GAS7: variants seen among roughly 807,000 people sequenced by gnomAD.
GAS7 encodes the protein growth arrest-specific protein 7.
Under a neutral mutation model 71.1 loss-of-function variants are expected in GAS7, and 28 were observed. The ratio of observed to expected loss-of-function variants is 0.39; its 90% CI spans 0.29 to 0.54. GAS7 has a LOEUF of 0.54. Ranked by LOEUF, GAS7 falls within the 20% of genes least tolerant of loss-of-function variation. The pLI is 0.62. For missense variants in GAS7, 436 were observed against 627.8 expected (o/e 0.69, Z 3.27); for synonymous variants, 258 against 245.8 (o/e 1.05, Z -0.46).
chr17:9,930,770 T>C (rs562672230), intron 9 of GAS7, among the ~76,000 whole-genome samples: 1 of 152,370 alleles, frequency 6.6e-6, no homozygotes, highest in Middle Eastern at 3.4e-3. Flanking sequence ...ATATTATTCA[T>C]GGCAGTCAAA....
At chr17:10,196,005 G>A (rs1289985374) in intron 1 of GAS7, among the ~76,000 whole-genome samples, 1 of 152,098 alleles carries the variant, frequency 6.6e-6, no homozygotes, top group South Asian at 2.1e-4. Context: ...GTCACACTTT[G>A]GGGTTAGCAG....
chr17:10,175,602 TAG>T lies in GAS7; in HGVS notation c.183+22604_183+22605del, dbSNP rs2074368817. Among the ~76,000 whole-genome samples the T allele has an allele frequency of 1.0e-4, 9 of 87,378 alleles. No individual in the cohort carries two copies. The South Asian group carries it at 3.5e-3, about 34-fold the overall frequency. The allele number at this position is 87,378 out of a possible 152,430, so 57.3% of individuals were successfully genotyped here. ...CCCTAATGACCGCATTTTATTTAGT[TAG>T]TTAGTTAGTTAGTTAGTTATTTTCC... is the stretch of plus-strand genomic sequence containing the variant. On this transcript the variant is annotated intron_variant, in intron 1 of 13. Transcript: ENST00000432992.
At chr17:9,931,577 A>T (rs11078823) in intron 9 of GAS7, among the ~76,000 whole-genome samples, 1 of 152,086 alleles carries the variant, frequency 6.6e-6, no homozygotes, top group African/African-American at 2.4e-5. Flanking sequence ...GGAGGCCTTG[A>T]GGGGAAAGCT....
rs550069461 is a variant in GAS7 at position 10,036,671 on chromosome 17, T to C, written c.184-16774A>G. 6.2e-5 allele frequency: 85 copies of C among 1,362,976 alleles called. 1 individual carries two copies. The South Asian group carries it at 1.0e-3, about 16-fold the overall frequency. The allele number at this position is 1,362,976 out of a possible 1,614,324, so 84.4% of individuals were successfully genotyped here. Reference sequence around the variant, plus strand: ...TTCACAAAGAACCCACTACATTGCATAGTTCCTTCCAAATCCGCTCCAGTG... The same window carrying C: ...TTCACAAAGAACCCACTACATTGCACAGTTCCTTCCAAATCCGCTCCAGTG... On this transcript the variant is annotated intron_variant, in intron 1 of 13. Coordinates refer to ENST00000432992, the MANE Select transcript of GAS7 (RefSeq NM_201433.2).
intron 1 of GAS7, among the ~76,000 whole-genome samples, chr17:10,159,723 T>C (rs1331430817): frequency 6.6e-6 from 1 of 151,962 alleles, no homozygotes; most frequent in Non-Finnish European, 1.5e-5. Flanking sequence ...CTGACGTAGA[T>C]GCTCATTACA....
intron 1 of GAS7, among the ~76,000 whole-genome samples, chr17:10,136,022 C>T (rs1027306013): frequency 9.2e-5 from 14 of 152,102 alleles, no homozygotes; most frequent in African/African-American, 3.1e-4. Context: ...TGGTTCAGCT[C>T]GGAACAACAC....
At chr17:10,145,854 T>C (rs554165553) in intron 1 of GAS7, among the ~76,000 whole-genome samples, 21 of 152,260 alleles carry the variant, frequency 1.4e-4, no homozygotes, top group African/African-American at 4.6e-4. Flanking sequence ...TTCAATGAAG[T>C]GGAATGGCTC....
At chr17:10,082,751 A>G (rs1476382002) in intron 1 of GAS7, among the ~76,000 whole-genome samples, 1 of 152,258 alleles carries the variant, frequency 6.6e-6, no homozygotes. Flanking sequence ...ATGTCCATCA[A>G]TTGACAAAAG....
intron 1 of GAS7, among the ~76,000 whole-genome samples, chr17:10,122,589 G>A (rs972651111): frequency 1.3e-5 from 2 of 152,124 alleles, no homozygotes; most frequent in Non-Finnish European, 2.9e-5. Context: ...GAAGAGGGGG[G>A]TTGAAAGCCT....
intron 3 of GAS7, among the ~76,000 whole-genome samples, chr17:9,978,711 G>C (rs1164876318): frequency 6.6e-6 from 1 of 151,992 alleles, no homozygotes; most frequent in African/African-American, 2.4e-5. Context: ...ATTGTAAGAT[G>C]CATCTGACTT....
chr17:10,018,346 G>A (rs370695965), intron 2 of GAS7, among the ~76,000 whole-genome samples: 12 of 152,030 alleles, frequency 7.9e-5, no homozygotes, highest in African/African-American at 2.4e-4. Context: ...GGACAATAAC[G>A]GATCCAAATT....
At chr17:10,021,265 T>C (rs1041486067) in intron 1 of GAS7, among the ~76,000 whole-genome samples, 6 of 152,186 alleles carry the variant, frequency 3.9e-5, no homozygotes, top group Admixed American at 2.0e-4. Context: ...GCTGTGCCCA[T>C]AGTGGTGGTC....
intron 6 of GAS7, 35 bp downstream of exon 6, chr17:9,946,859 G>C: frequency 2.8e-6 from 4 of 1,420,354 alleles, no homozygotes; most frequent in Non-Finnish European, 4.0e-6. Flanking sequence ...CGGTCACCGG[G>C]GTCACGCTGT....
Position 9,926,198 on chromosome 17 carries a change from A to C in GAS7, c.1014+443T>G, listed in dbSNP as rs1036748628. On this transcript the variant is annotated intron_variant, in intron 10 of 13. Coordinates refer to ENST00000432992, the MANE Select transcript of GAS7 (RefSeq NM_201433.2). This position sits in a 1 kb window ranked among gnomAD's most constrained non-coding sequence, Gnocchi z 5.0. ...CACTCTCTTCCCTCTAAGGCTGAAC[A>C]TCAGTTCCCTGGAGGTGAGACCACC... Among the ~76,000 whole-genome samples, 5 of 152,098 alleles carry C rather than the reference A, an allele frequency of 3.3e-5. No homozygotes were observed. Among genetic ancestry groups the C allele is most frequent in the Non-Finnish European group, 7.4e-5 (5 of 68,012 alleles).
At chr17:10,102,848 C>T (rs2073718057) in intron 1 of GAS7, among the ~76,000 whole-genome samples, 1 of 151,616 alleles carries the variant, frequency 6.6e-6, no homozygotes, top group African/African-American at 2.4e-5. Context: ...AAATCCCAAA[C>T]AGGCACTCAA....
In GAS7 at chr17:10,103,756, G is replaced by A. The variant is rs2073730604; in HGVS notation, c.184-83859C>T. Among the ~76,000 whole-genome samples, 1 of 151,248 alleles carries A rather than the reference G, an allele frequency of 6.6e-6. No homozygotes were observed. The highest frequency in any genetic ancestry group is 2.1e-4 in the South Asian group (1 of 4,790). On this transcript the variant is annotated intron_variant, in intron 1 of 13. Transcript: ENST00000432992. This position sits in a 1 kb window ranked among gnomAD's most constrained non-coding sequence, Gnocchi z 5.5. ...CAGGAGAACTGCTTGAACCTGGGAGGCAGAGGTTGCAGTGAGCCAAGATCT... is the reference window on the plus strand; with the variant it reads ...CAGGAGAACTGCTTGAACCTGGGAGACAGAGGTTGCAGTGAGCCAAGATCT...
rs370687392 is a variant in GAS7 at position 10,068,330 on chromosome 17, C to T, written c.184-48433G>A. Among the ~76,000 whole-genome samples, 12 of 152,264 alleles carry T rather than the reference C, an allele frequency of 7.9e-5. No individual in the cohort carries two copies. The East Asian group carries it at 2.3e-3, about 29-fold the overall frequency. On this transcript the variant is annotated intron_variant, in intron 1 of 13. Transcript: ENST00000432992. ...CCATTGAACCAGGATGACCCACTGACCCAGATGAAGCCCTGGGTTTCCTTC... is the reference window on the plus strand; with the variant it reads ...CCATTGAACCAGGATGACCCACTGATCCAGATGAAGCCCTGGGTTTCCTTC...
At chr17:10,161,910 AC>A (rs2074259235) in intron 1 of GAS7, among the ~76,000 whole-genome samples, 1 of 151,992 alleles carries the variant, frequency 6.6e-6, no homozygotes, top group Non-Finnish European at 1.5e-5. Context: ...TAAAAAACAT[AC>A]AAAAAATTAG....
chr17:9,990,268 CAAAAAAAAAAGAAA>C, intron 2 of GAS7, among the ~76,000 whole-genome samples: 1 of 148,044 alleles, frequency 6.8e-6, no homozygotes, highest in East Asian at 2.0e-4. Flanking sequence ...GACTCCATCT[CAAAAAAAAAAGAAA>C]AAAGAAGAAA....
Sources: gnomAD v4.1 joint callset for allele counts (sites outside exome capture counted in the v4.1 genomes callset) on GRCh38, gnomAD v4.1.1 for gene constraint, Gnocchi (gnomAD v3.1) non-coding constraint, MANE v1.5 for transcripts, NCBI Gene and HGNC (gene_info 2026-07-23, HGNC 2026-07-21) for gene names.